The following PHACTR3 variants were observed in gnomAD, a reference collection of about 807,000 sequenced individuals.
PHACTR3 encodes the protein protein phosphatase 1, regulatory subunit 123.
In PHACTR3, 16 loss-of-function variants were observed where a neutral mutation model predicts 66.8. The observed-to-expected ratio is 0.24, with a 90% CI of 0.16 to 0.36. The LOEUF (loss-of-function observed/expected upper bound fraction) is 0.36. Ranked by LOEUF, PHACTR3 falls within the 10% of genes least tolerant of loss-of-function variation. The pLI is 1.00. For synonymous variants in PHACTR3, 323 were observed against 292.1 expected (o/e 1.11, Z -1.08); for missense variants, 647 against 719.9 (o/e 0.90, Z 1.16).
At chr20:59,774,569 G>C (rs550322365) in intron 7 of PHACTR3, 79 bp downstream of exon 7, 10 of 1,530,650 alleles carry the variant, frequency 6.5e-6, no homozygotes, top group South Asian at 3.9e-5. Flanking sequence ...GACAGAGCTC[G>C]TGCCTGGGGG....
chr20:59,618,464 G>T (rs1049755441), intron 1 of PHACTR3, among the ~76,000 whole-genome samples: 3 of 152,210 alleles, frequency 2.0e-5, no homozygotes, highest in African/African-American at 7.2e-5. Flanking sequence ...AGGGAAGAGG[G>T]TGTGGCAGCC....
At chr20:59,655,573 A>G (rs1385456094) in intron 1 of PHACTR3, among the ~76,000 whole-genome samples, 3 of 151,876 alleles carry the variant, frequency 2.0e-5, no homozygotes, top group African/African-American at 4.8e-5. Flanking sequence ...AAAGATTTAT[A>G]AGTTTATTGA....
chr20:59,597,089 G>T (rs748026646), intron 1 of PHACTR3, among the ~76,000 whole-genome samples: 2 of 152,242 alleles, frequency 1.3e-5, no homozygotes, highest in African/African-American at 4.8e-5. Flanking sequence ...AGAGATTTTG[G>T]TGGGTTGGGG....
intron 3 of PHACTR3, among the ~76,000 whole-genome samples, chr20:59,753,246 T>A (rs370146649): frequency 1.3e-5 from 2 of 152,248 alleles, no homozygotes; most frequent in African/African-American, 4.8e-5. Context: ...GGGAAGAGCC[T>A]GCCAGCCTCG....
intron 8 of PHACTR3, among the ~76,000 whole-genome samples, chr20:59,821,842 C>T (rs2042035358): frequency 6.7e-6 from 1 of 150,146 alleles, no homozygotes; most frequent in Admixed American, 6.7e-5. Context: ...ATTCCTGACC[C>T]TCCCACACTG....
chr20:59,750,655 AGCCTGGGGCGGCCACAGTGCGAGT>A (rs1038878010), intron 3 of PHACTR3, among the ~76,000 whole-genome samples: 1 of 151,528 alleles, frequency 6.6e-6, no homozygotes, highest in African/African-American at 2.4e-5. Flanking sequence ...CTGCTGCGGG[AGCCTGGGGCGGCCACAGTGCGAGT>A]GGGTGGGATC....
chr20:59,664,373 G>T (rs1197816944), intron 1 of PHACTR3, among the ~76,000 whole-genome samples: 1 of 152,088 alleles, frequency 6.6e-6, no homozygotes, highest in Non-Finnish European at 1.5e-5. Context: ...TGAACCTTGG[G>T]CAGCCTACTC....
intron 9 of PHACTR3, among the ~76,000 whole-genome samples, chr20:59,838,974 C>G (rs1210662915): frequency 6.6e-6 from 1 of 151,428 alleles, no homozygotes; most frequent in Admixed American, 6.6e-5. Flanking sequence ...CAGGAACTTT[C>G]AAAGATCAGT....
At chr20:59,750,504 C>T (rs187402617) in intron 3 of PHACTR3, among the ~76,000 whole-genome samples, 14 of 151,970 alleles carry the variant, frequency 9.2e-5, no homozygotes, top group Non-Finnish European at 1.8e-4. Flanking sequence ...CAAGTCCCCG[C>T]GGTGGAAGGG....
chr20:59,754,410 C>T (rs2039710823), intron 3 of PHACTR3, among the ~76,000 whole-genome samples: 1 of 152,222 alleles, frequency 6.6e-6, no homozygotes, highest in South Asian at 2.1e-4. Context: ...GTGCCCCGTT[C>T]CTGGGCTCAC....
At chr20:59,661,189 T>C (rs989423496) in intron 1 of PHACTR3, among the ~76,000 whole-genome samples, 1 of 152,326 alleles carries the variant, frequency 6.6e-6, no homozygotes, top group African/African-American at 2.4e-5. Context: ...GACTTTGTTC[T>C]GAATTAAGGA....
At chr20:59,580,525 C>T (rs1049114717) in intron 1 of PHACTR3, among the ~76,000 whole-genome samples, 4 of 151,638 alleles carry the variant, frequency 2.6e-5, no homozygotes, top group Non-Finnish European at 4.4e-5. Context: ...AGTCTGATTT[C>T]GAAGTGCTGA....
At chr20:59,700,842 T>G (rs1394765566) in intron 1 of PHACTR3, among the ~76,000 whole-genome samples, 1 of 152,172 alleles carries the variant, frequency 6.6e-6, no homozygotes, top group Non-Finnish European at 1.5e-5. Context: ...TAGGCAGGAG[T>G]GCACTGGCAC....
At chr20:59,710,315 T>C (rs575446319) in intron 1 of PHACTR3, among the ~76,000 whole-genome samples, 1 of 152,304 alleles carries the variant, frequency 6.6e-6, no homozygotes, top group South Asian at 2.1e-4. Flanking sequence ...TACCAGGCTC[T>C]AAGCAGACCT....
upstream of PHACTR3, among the ~76,000 whole-genome samples, chr20:59,601,589 C>T (rs576427909): frequency 5.1e-4 from 78 of 152,346 alleles, no homozygotes; most frequent in Non-Finnish European, 8.4e-4. Flanking sequence ...ACCAGATCCT[C>T]ACAGGGCTCA....
chr20:59,718,251 A>G (rs1031240222), intron 1 of PHACTR3, among the ~76,000 whole-genome samples: 1 of 151,620 alleles, frequency 6.6e-6, no homozygotes, highest in African/African-American at 2.4e-5. Context: ...GTTGCCACAC[A>G]GTACCCAGAG....
chr20:59,604,687 GT>G lies in PHACTR3; in HGVS notation c.-323del. On this transcript the variant is annotated 5_prime_UTR_variant, in exon 1 of 13. Transcript: ENST00000371015. ...ACGCAATAAACACTGACAAGAAAAA[GT>G]TTTTATTTCCTGGTTCAACTTTTTT... 1 of 1,020,306 alleles carries G rather than the reference GT, an allele frequency of 9.8e-7. No homozygotes were observed. The highest frequency in any genetic ancestry group is 1.2e-6 in the Non-Finnish European group (1 of 854,188). The allele number at this position is 1,020,306 out of a possible 1,614,324, so 63.2% of individuals were successfully genotyped here.
intron 1 of PHACTR3, among the ~76,000 whole-genome samples, chr20:59,617,967 C>T (rs909424322): frequency 1.8e-4 from 28 of 152,260 alleles, no homozygotes; most frequent in African/African-American, 6.3e-4. Flanking sequence ...AGCTCATAGG[C>T]GAATGCCCCA....
intron 1 of PHACTR3, among the ~76,000 whole-genome samples, chr20:59,694,393 C>T (rs1458148218): frequency 6.6e-6 from 1 of 151,954 alleles, no homozygotes; most frequent in Non-Finnish European, 1.5e-5. Flanking sequence ...CTCCTTGACT[C>T]ACTATTATAT....
Sources: gnomAD v4.1 joint callset for allele counts (sites outside exome capture counted in the v4.1 genomes callset) on GRCh38, gnomAD v4.1.1 for gene constraint, MANE v1.5 for transcripts, NCBI Gene and HGNC (gene_info 2026-07-23, HGNC 2026-07-21) for gene names.